NOSTRIN: variants seen among roughly 807,000 people sequenced by gnomAD.
NOSTRIN encodes BM247 homolog.
NOSTRIN carries 63 observed loss-of-function variants against 59.0 expected under a neutral mutation model. The ratio of observed to expected loss-of-function variants is 1.07; its 90% confidence interval spans 0.87 to 1.32. The LOEUF (loss-of-function observed/expected upper bound fraction) is 1.32. Ranked by LOEUF, NOSTRIN falls within the 40% of genes most tolerant of loss-of-function variation. NOSTRIN has a pLI of 0.00. For synonymous variants in NOSTRIN, 200 were observed against 165.4 expected (o/e 1.21, Z -1.61); for missense variants, 512 against 473.1 (o/e 1.08, Z -0.76).
intron 2 of NOSTRIN, 87 bp downstream of exon 2, chr2:168,811,739 A>G (rs1210059987): frequency 1.6e-5 from 9 of 578,534 alleles, no homozygotes; most frequent in South Asian, 2.5e-5. Context: ...AAGCTGTCCT[A>G]CTTTCCAGAA....
At chr2:168,839,911 ATATATATATATGTGTG>A (rs1327308666) in intron 7 of NOSTRIN, among the ~76,000 whole-genome samples, 1 of 46,054 alleles carries the variant, frequency 2.2e-5, no homozygotes, top group Non-Finnish European at 3.7e-5. Context: ...ATATATATAT[ATATATATATATGTGTG>A]TGTGTGTGTG....
At chr2:168,810,100 A>C (rs1000309163) in intron 1 of NOSTRIN, among the ~76,000 whole-genome samples, 1 of 152,168 alleles carries the variant, frequency 6.6e-6, no homozygotes, top group African/African-American at 2.4e-5. Context: ...CTGCCTCACC[A>C]GTTCACGGTC....
At chr2:168,817,748 T>G (rs1296482166) in intron 2 of NOSTRIN, among the ~76,000 whole-genome samples, 1 of 152,178 alleles carries the variant, frequency 6.6e-6, no homozygotes, top group African/African-American at 2.4e-5. Context: ...AAGGGCATCA[T>G]TCAGGTCTTA....
chr2:168,857,732 T>G (rs1455795471), intron 12 of NOSTRIN, among the ~76,000 whole-genome samples: 1 of 152,226 alleles, frequency 6.6e-6, no homozygotes, highest in Non-Finnish European at 1.5e-5. Context: ...GAGATAAATT[T>G]TTTAGCAATG....
At chr2:168,802,587 A>G (rs1235097213), upstream of NOSTRIN, 4 of 853,832 alleles carry the variant, frequency 4.7e-6, no homozygotes, top group South Asian at 2.8e-5. Flanking sequence ...CCCAACCTTG[A>G]TTACAGTGTC....
intron 12 of NOSTRIN, chr2:168,859,276 C>T (rs942329968): frequency 7.2e-6 from 3 of 416,858 alleles, no homozygotes; most frequent in Non-Finnish European, 1.2e-5. Context: ...CCAAGGTTTC[C>T]TGTTCACCCC....
upstream of NOSTRIN, chr2:168,802,514 T>C: frequency 1.4e-6 from 1 of 712,944 alleles, no homozygotes; most frequent in Non-Finnish European, 2.5e-6. Context: ...GACTTCCTCC[T>C]TGGAATGTTT....
chr2:168,855,335 CT>C lies in NOSTRIN; in HGVS notation c.856-15del. On this transcript the variant is annotated splice_polypyrimidine_tract_variant and intron_variant, in intron 10 of 15. Transcript: ENST00000317647. Reference sequence around the variant, plus strand: ...TACTTCTTCCCCCTTGTTAGACATCCTTCTTTTTTCCTAAAGGAAGAAGATC... The same window carrying C: ...TACTTCTTCCCCCTTGTTAGACATCCTCTTTTTTCCTAAAGGAAGAAGATC... The C allele has an allele frequency of 7.2e-7, 1 of 1,381,318 alleles. No individual in the cohort carries two copies. The highest frequency in any genetic ancestry group is 1.9e-5 in the Admixed American group (1 of 53,556). 85.6% of individuals were successfully genotyped at this position (1,381,318 alleles called of 1,614,324 possible). A position where few individuals can be genotyped will look rare whatever the true frequency, so the allele number is the denominator to read the frequency against.
chr2:168,863,313 G>C (rs1457244577), intron 15 of NOSTRIN: 1 of 727,916 alleles, frequency 1.4e-6, no homozygotes, highest in African/African-American at 1.9e-5. Flanking sequence ...TTTAAGAATA[G>C]TGATTTATGA....
chr2:168,821,708 GAC>G (rs1482757396), intron 2 of NOSTRIN, among the ~76,000 whole-genome samples: 1 of 152,230 alleles, frequency 6.6e-6, no homozygotes, highest in East Asian at 1.9e-4. Flanking sequence ...TGTTGGGGAT[GAC>G]ACAAAGGAGA....
rs144801768 is a variant in NOSTRIN at position 168,832,788 on chromosome 2, A to AT, written c.405+1262dup. 2.1e-3 allele frequency among the ~76,000 whole-genome samples: 315 copies of AT among 151,986 alleles called. 2 individuals carry two copies. The highest frequency in any genetic ancestry group is 3.3e-3 in the Non-Finnish European group (223 of 67,942). ...TTTTCTTTAAAAGGAATTGTTTTGT[A>AT]TTTTTTTTAAAGAAATAGAGACAGG... On this transcript the variant is annotated intron_variant, in intron 6 of 15. Transcript: ENST00000317647.
At chr2:168,852,897 T>A (rs1379685315) in intron 10 of NOSTRIN, among the ~76,000 whole-genome samples, 1 of 152,190 alleles carries the variant, frequency 6.6e-6, no homozygotes. Context: ...TTTGATTACA[T>A]GGGGAAAGCG....
intron 2 of NOSTRIN, among the ~76,000 whole-genome samples, chr2:168,819,744 C>CAA (rs1214860031): frequency 1.3e-5 from 2 of 152,172 alleles, no homozygotes; most frequent in Admixed American, 6.5e-5. Flanking sequence ...AATGCTAGTT[C>CAA]TAAACCCTTC....
chr2:168,851,999 T>C (rs548569142), intron 10 of NOSTRIN, among the ~76,000 whole-genome samples: 22 of 152,178 alleles, frequency 1.4e-4, no homozygotes, highest in South Asian at 2.1e-4. Flanking sequence ...GTTGGAGATA[T>C]CATTTTCTTG....
upstream of NOSTRIN, chr2:168,802,372 G>A (rs1685642265): frequency 1.2e-5 from 5 of 405,066 alleles, no homozygotes; most frequent in East Asian, 4.6e-5. Flanking sequence ...TCAATGTTAC[G>A]CTGTTCAGGA....
At chr2:168,811,047 T>G (rs1686107888) in intron 1 of NOSTRIN, among the ~76,000 whole-genome samples, 1 of 152,198 alleles carries the variant, frequency 6.6e-6, no homozygotes, top group African/African-American at 2.4e-5. Context: ...AACATTTTTC[T>G]TACTGGAATT....
chr2:168,847,519 T>C (rs1163229415), intron 8 of NOSTRIN, among the ~76,000 whole-genome samples: 2 of 152,060 alleles, frequency 1.3e-5, no homozygotes, highest in African/African-American at 4.8e-5. Flanking sequence ...TCTATGAGAG[T>C]CATTTAAATG....
At chr2:168,832,531 C>T (rs183833544) in intron 6 of NOSTRIN, among the ~76,000 whole-genome samples, 3 of 152,174 alleles carry the variant, frequency 2.0e-5, no homozygotes, top group East Asian at 1.9e-4. Context: ...TAGAGACAGA[C>T]GCACTCAGAG....
chr2:168,852,274 G>T (rs961584320), intron 10 of NOSTRIN, among the ~76,000 whole-genome samples: 1 of 152,090 alleles, frequency 6.6e-6, no homozygotes, highest in African/African-American at 2.4e-5. Context: ...GAAAACCTTG[G>T]ACCAGATTAT....
Sources: gnomAD v4.1 joint callset for allele counts (sites outside exome capture counted in the v4.1 genomes callset) on GRCh38, gnomAD v4.1.1 for gene constraint, MANE v1.5 for transcripts, NCBI Gene and HGNC (gene_info 2026-07-23, HGNC 2026-07-21) for gene names.